MTSS2: variants seen among roughly 807,000 people sequenced by gnomAD.
The protein encoded by MTSS2 is MTSS I-BAR domain containing 2.
MTSS2 carries 27 observed loss-of-function variants against 67.1 expected under a neutral mutation model. The observed-to-expected ratio is 0.40, with a 90% confidence interval of 0.30 to 0.55. The LOEUF (loss-of-function observed/expected upper bound fraction) is 0.55, where lower values mean the gene tolerates loss of function less well. MTSS2 is among the 20% of genes least tolerant of loss of function. The probability of loss-of-function intolerance (pLI) is 0.43; values close to 1 mark genes in which losing one functional copy is unlikely to be tolerated. For missense variants in MTSS2, 1,171 were observed against 1,067.8 expected (o/e 1.10, Z -1.35); for synonymous variants, 624 against 468.6 (o/e 1.33, Z -4.28).
rs2052635635 is a variant in MTSS2 at position 70,664,740 on chromosome 16, GGC to G, written c.1327_1328del (p.Ala443ArgfsTer3). 1 of 1,612,090 alleles carries G rather than the reference GGC, an allele frequency of 6.2e-7. No individual in the cohort carries two copies. The highest frequency in any genetic ancestry group is 8.5e-7 in the Non-Finnish European group (1 of 1,179,480). ...TCAGCACCATGGCCAGGTCACTGGCGGCGGGGGACACCTCCTCACCGTGCTGA... is the reference window on the plus strand; with the variant it reads ...TCAGCACCATGGCCAGGTCACTGGCGGGGGGACACCTCCTCACCGTGCTGA... ...AAKHGEEVSP[A>X]ASDLAMVLTR... On this transcript the variant is annotated frameshift_variant, in exon 14 of 15. Transcript: ENST00000338779. LOFTEE classifies it high-confidence loss of function.
Position 70,674,331 on chromosome 16 carries a change from G to C in MTSS2, c.1028C>G (p.Pro343Arg), listed in dbSNP as rs2053040255. The C allele has an allele frequency of 6.2e-7, 1 of 1,613,922 alleles. No homozygotes were observed. The highest frequency in any genetic ancestry group is 8.5e-7 in the Non-Finnish European group (1 of 1,179,984). The change falls in exon 11 of 15, where the codon CCT (proline) becomes CGT (arginine). Residue 343 changes from proline to arginine, a missense_variant. Physicochemically the swap from Pro to Arg is moderately radical, Grantham distance 103. Coordinates refer to ENST00000338779, the MANE Select transcript of MTSS2 (RefSeq NM_138383.3). ...QDATYSKPPSPMPSDITSQKS... is the reference protein window; with the variant it reads ...QDATYSKPPSRMPSDITSQKS... ...CTGGCTGGTGATGTCTGAAGGCATA[G>C]GCGAGGGGGGCTTGGAGTAGGTGGC...
rs2052601735 is a variant in MTSS2, at chr16:70,664,124, A to G, written c.1797T>C (p.Pro599=). 1 of 1,611,090 alleles carries G rather than the reference A, an allele frequency of 6.2e-7. No individual in the cohort carries two copies. The highest frequency in any genetic ancestry group is 1.7e-5 in the Admixed American group (1 of 59,970). The part of the protein sequence containing the change: ...PIVPVKTPTV[P]DSPGYMGPTR... Reference sequence around the variant, plus strand: ...TGGGCCCCATGTAGCCGGGGGAGTCAGGCACCGTGGGCGTCTTCACAGGGA... The same window carrying G: ...TGGGCCCCATGTAGCCGGGGGAGTCGGGCACCGTGGGCGTCTTCACAGGGA... The change falls in exon 15 of 15, where the codon CCT becomes CCC. Residue 599 remains proline (P), a synonymous_variant. Coordinates refer to ENST00000338779, the MANE Select transcript of MTSS2 (RefSeq NM_138383.3).
chr16:70,667,005 G>C lies in MTSS2; in HGVS notation c.1054-1465C>G, dbSNP rs187371440. On this transcript the variant is annotated intron_variant, in intron 11 of 14. Transcript: ENST00000338779. ...AAGAAAAGAAAGAAGGCCAAGTGTG[G>C]TGGCTCACACCTGTAATCCCAGCAC... Among the ~76,000 whole-genome samples the C allele has an allele frequency of 4.6e-5, 7 of 152,254 alleles. No homozygotes were observed. The East Asian group carries it at 1.3e-3, about 29-fold the overall frequency.
intron 1 of MTSS2, among the ~76,000 whole-genome samples, chr16:70,683,364 C>A (rs1048379940): frequency 1.3e-5 from 2 of 152,224 alleles, no homozygotes; most frequent in African/African-American, 2.4e-5. Flanking sequence ...CAGCGCCCAG[C>A]ACGCAGTAAG....
At chr16:70,672,087 C>A (rs2052956138) in intron 11 of MTSS2, among the ~76,000 whole-genome samples, 1 of 152,182 alleles carries the variant, frequency 6.6e-6, no homozygotes, top group South Asian at 2.1e-4. Flanking sequence ...GTGGCTCATG[C>A]CTGTAATCCC....
intron 11 of MTSS2, among the ~76,000 whole-genome samples, chr16:70,670,075 T>C (rs1022332478): frequency 2.8e-4 from 42 of 151,022 alleles, no homozygotes; most frequent in African/African-American, 9.7e-4. Flanking sequence ...GTTTGAGACC[T>C]GCCTGGCCAA....
rs1490711679 is a variant in MTSS2 at position 70,664,753 on chromosome 16, T to A, written c.1316A>T (p.Glu439Val). The A allele has an allele frequency of 9.3e-6, 15 of 1,610,856 alleles. No homozygotes were observed. The highest frequency in any genetic ancestry group is 3.4e-5 in the Admixed American group (2 of 59,666). Residue 439 changes from glutamate to valine, a missense_variant, in exon 14 of 15, where the codon GAG becomes GTG. Physicochemically the swap from Glu to Val is moderately radical, Grantham distance 121. Coordinates refer to ENST00000338779, the MANE Select transcript of MTSS2 (RefSeq NM_138383.3). ...PATIAAKHGE[E>V]VSPAASDLAM... ...CAGGTCACTGGCGGCGGGGGACACC[T>A]CCTCACCGTGCTGAGGGTGGGAAAG...
chr16:70,683,789 G>C (rs1196183306), intron 1 of MTSS2, among the ~76,000 whole-genome samples: 2 of 152,212 alleles, frequency 1.3e-5, no homozygotes, highest in Non-Finnish European at 1.5e-5. Context: ...CCTCTACGGA[G>C]GCCCTGCTGC....
chr16:70,665,089 G>C lies in MTSS2; in HGVS notation c.1136C>G (p.Ser379Cys), dbSNP rs1324060109. The change falls in exon 13 of 15, where the codon TCC becomes TGC. Residue 379 changes from serine (S) to cysteine (C), a missense_variant. This residue lies in a region of MTSS2 where 924 missense variants were observed against 756.0 expected (regional missense o/e 1.22). Transcript: ENST00000338779. Reference sequence around the variant, plus strand: ...GGGCTGCTCATGGGAGCCGACCTTGGACCAGTCCTGCAGGGAGGGTGTGGC... The same window carrying C: ...GGGCTGCTCATGGGAGCCGACCTTGCACCAGTCCTGCAGGGAGGGTGTGGC... Reference protein sequence around the residue: ...SECSSPTSDWSKVGSHEQPSG... With the variant: ...SECSSPTSDWCKVGSHEQPSG... 1.9e-6 allele frequency: 3 copies of C among 1,596,016 alleles called. No homozygotes were observed. Among genetic ancestry groups the C allele is most frequent in the African/African-American group, 2.7e-5 (2 of 75,046 alleles).
chr16:70,679,883 G>T lies in MTSS2; in HGVS notation c.291-6C>A. 6.3e-7 allele frequency: 1 copy of T among 1,594,288 alleles called. No homozygotes were observed. Among genetic ancestry groups the T allele is most frequent in the East Asian group, 2.2e-5 (1 of 44,472 alleles). On this transcript the variant is annotated splice_polypyrimidine_tract_variant and splice_region_variant and intron_variant, in intron 4 of 14. Transcript: ENST00000338779. ...TGAGGCTCTCCAGCAGTGCGCTGCG[G>T]AGGGCGGGCGGGAGCGCAGGTCAGG... is the stretch of plus-strand genomic sequence containing the variant.
chr16:70,677,057 A>G (rs2053141160), intron 9 of MTSS2, 79 bp from the exon 10 acceptor site: 3 of 1,100,936 alleles, frequency 2.7e-6, no homozygotes, highest in Admixed American at 2.6e-5. Context: ...CCCACTCTCT[A>G]ATTGTGAACC....
intron 3 of MTSS2, among the ~76,000 whole-genome samples, chr16:70,680,517 C>G (rs759395022): frequency 1.3e-5 from 2 of 152,186 alleles, no homozygotes; most frequent in Admixed American, 1.3e-4. Flanking sequence ...GGAAGAAGCC[C>G]TAAGGAGAAT....
At position 70,676,892 on chromosome 16, in the gene MTSS2, G is replaced by A. The variant is rs1388465007; in HGVS notation, c.819C>T (p.Ser273=). The change falls in exon 10 of 15, where the codon TCC becomes TCT. Residue 273 remains serine, a synonymous_variant. Coordinates refer to ENST00000338779, the MANE Select transcript of MTSS2 (RefSeq NM_138383.3). ...CCACCCCCACTGACCTGCACATGCTGGACTTCCGGGAGCTGGAGCTGCTGG... is the reference window on the plus strand; with the variant it reads ...CCACCCCCACTGACCTGCACATGCTAGACTTCCGGGAGCTGGAGCTGCTGG... ...SSPSSSSSRK[S]SMCSAPSSSS... is the part of the protein sequence containing the mutation. 6.2e-7 allele frequency: 1 copy of A among 1,613,262 alleles called. No individual in the cohort carries two copies.
chr16:70,667,089 T>C (rs1206916959), intron 11 of MTSS2, among the ~76,000 whole-genome samples: 2 of 151,840 alleles, frequency 1.3e-5, no homozygotes, highest in African/African-American at 2.4e-5. Flanking sequence ...CAGCCTAACA[T>C]AGTGAGACCC....
chr16:70,670,821 T>C (rs2052906223), intron 11 of MTSS2, among the ~76,000 whole-genome samples: 1 of 151,678 alleles, frequency 6.6e-6, no homozygotes, highest in Non-Finnish European at 1.5e-5. Context: ...AATATAAAAA[T>C]TAGCCAGGCA....
chr16:70,664,078 A>G lies in MTSS2; in HGVS notation c.1843T>C (p.Cys615Arg), dbSNP rs1343072185. The change falls in exon 15 of 15, where the codon TGC becomes CGC. Residue 615 changes from cysteine to arginine, a missense_variant. Cys to Arg is a radical substitution (Grantham distance 180, BLOSUM62 -3). Transcript: ENST00000338779. Reference sequence around the variant, plus strand: ...GCGGTCTCGTCGGTATAGAAGACGCACTCCTCACTGCCCGCCCGTGTGGGC... The same window carrying G: ...GCGGTCTCGTCGGTATAGAAGACGCGCTCCTCACTGCCCGCCCGTGTGGGC... The part of the protein sequence containing the change: ...MGPTRAGSEE[C>R]VFYTDETASP... The G allele has an allele frequency of 6.2e-6, 10 of 1,611,478 alleles. No homozygotes were observed. The highest frequency in any genetic ancestry group is 8.5e-6 in the Non-Finnish European group (10 of 1,179,492).
intron 1 of MTSS2, 124 bp from the exon 2 acceptor site, chr16:70,681,149 A>G: frequency 1.2e-6 from 1 of 849,370 alleles, no homozygotes; most frequent in Non-Finnish European, 1.8e-6. Context: ...GCCCTGCCCC[A>G]TGGAGAGGGA....
Position 70,664,340 on chromosome 16 carries a change from G to A in MTSS2, c.1581C>T (p.Tyr527=), listed in dbSNP as rs2052614613. Reference sequence around the variant, plus strand: ...GGCGCTTGGTCTGGATCAGGCGGCGGTAGTTCTGGGCGATGTTGCTGTTGC... The same window carrying A: ...GGCGCTTGGTCTGGATCAGGCGGCGATAGTTCTGGGCGATGTTGCTGTTGC... ...IPRNSNIAQN[Y]RRLIQTKRPA... The change falls in exon 15 of 15, where the codon TAC becomes TAT. Residue 527 remains tyrosine, a synonymous_variant. Coordinates refer to ENST00000338779, the MANE Select transcript of MTSS2 (RefSeq NM_138383.3). 6.3e-7 allele frequency: 1 copy of A among 1,598,122 alleles called. No homozygotes were observed.
Position 70,685,754 on chromosome 16 carries a change from C to A in MTSS2, c.38G>T (p.Gly13Val). 7.2e-7 allele frequency: 1 copy of A among 1,396,230 alleles called. No individual in the cohort carries two copies. The allele number at this position is 1,396,230 out of a possible 1,614,324, so 86.5% of individuals were successfully genotyped here. A position where few individuals can be genotyped will look rare whatever the true frequency, so the allele number is the denominator to read the frequency against. The change falls in exon 1 of 15, where the codon GGG (glycine) becomes GTG (valine). Residue 13 changes from glycine to valine, a missense_variant. By Grantham distance (109) the Gly-to-Val change is moderately radical. This residue lies in a region of MTSS2 where 247 missense variants were observed against 311.8 expected (regional missense o/e 0.79). Coordinates refer to ENST00000338779, the MANE Select transcript of MTSS2 (RefSeq NM_138383.3). ...TAEKECGALGGLFQAIVNDMK... is the reference protein window; with the variant it reads ...TAEKECGALGVLFQAIVNDMK... ...GTCGTTGACTATGGCCTGGAAGAGCCCGCCCAGGGCGCCGCACTCCTTCTC... is the reference window on the plus strand; with the variant it reads ...GTCGTTGACTATGGCCTGGAAGAGCACGCCCAGGGCGCCGCACTCCTTCTC...
Sources: allele counts gnomAD v4.1 joint callset (sites outside exome capture counted in the v4.1 genomes callset), GRCh38; gene constraint gnomAD v4.1.1; regional missense constraint gnomAD v4.1.1; transcripts MANE v1.5; gene names NCBI Gene and HGNC (gene_info 2026-07-23, HGNC 2026-07-21).